ABCC5: variants seen among roughly 807,000 people sequenced by gnomAD.
ABCC5 encodes ATP-binding cassette sub-family C member 5.
Under a neutral mutation model 160.9 loss-of-function variants are expected in ABCC5, and 61 were observed. That is an observed-to-expected ratio of 0.38 (90% CI 0.31 to 0.47). The LOEUF (loss-of-function observed/expected upper bound fraction) is 0.47, where lower values mean the gene tolerates loss of function less well. ABCC5 is among the 20% of genes least tolerant of loss of function. ABCC5 has a pLI of 0.99. For synonymous variants in ABCC5, 666 were observed against 700.6 expected, an observed-to-expected ratio of 0.95 and a Z score of 0.78; for missense variants, 1,308 against 1,813.3, an observed-to-expected ratio of 0.72 and a Z score of 5.06.
At position 183,967,745 on chromosome 3, in the gene ABCC5, C is replaced by T. The variant is rs1717357905; in HGVS notation, c.1783G>A (p.Gly595Ser). Residue 595 changes from glycine to serine, a missense_variant, in exon 12 of 30, where the codon GGC (glycine) becomes AGC (serine). Transcript: ENST00000334444. ...IQEGKLVGIC[G>S]SVGSGKTSLI... ...GAGGTTTTTCCACTTCCCACACTGC[C>T]ACAGATTCCAACCAGTTTACCCTGG... 6.2e-7 allele frequency: 1 copy of T among 1,613,754 alleles called. No individual in the cohort carries two copies. The highest frequency in any genetic ancestry group is 1.3e-5 in the African/African-American group (1 of 74,872).
rs1399714234 is a variant in ABCC5 at position 183,949,651 on chromosome 3, G to A, written c.3227+102C>T. On this transcript the variant is annotated intron_variant, in intron 22 of 29. Coordinates refer to ENST00000334444, the MANE Select transcript of ABCC5 (RefSeq NM_005688.4). This position sits in a 1 kb window ranked among gnomAD's most constrained non-coding sequence, Gnocchi z 4.2. Reference sequence around the variant, plus strand: ...AATCATGAATACCCTTGGTAATGAGGTTTATAATCCCCATCTCTGGCCTTG... The same window carrying A: ...AATCATGAATACCCTTGGTAATGAGATTTATAATCCCCATCTCTGGCCTTG... The A allele has an allele frequency of 7.0e-7, 1 of 1,426,662 alleles. No individual in the cohort carries two copies. Among genetic ancestry groups the A allele is most frequent in the Non-Finnish European group, 9.5e-7 (1 of 1,051,330 alleles). The allele number at this position is 1,426,662 out of a possible 1,614,324, so 88.4% of individuals were successfully genotyped here.
At chr3:184,008,985 T>C (rs1377181333) in intron 2 of ABCC5, among the ~76,000 whole-genome samples, 1 of 152,202 alleles carries the variant, frequency 6.6e-6, no homozygotes, top group African/African-American at 2.4e-5. Flanking sequence ...GCCTCCCAAG[T>C]AGCTGGGACT....
intron 2 of ABCC5, among the ~76,000 whole-genome samples, chr3:184,005,165 C>A (rs1318130531): frequency 1.3e-5 from 2 of 152,156 alleles, no homozygotes; most frequent in Non-Finnish European, 2.9e-5. Context: ...CCAGCATAGT[C>A]TGCCTAGTAA....
chr3:183,924,500 G>A (rs1712331805), intron 29 of ABCC5, among the ~76,000 whole-genome samples: 1 of 152,188 alleles, frequency 6.6e-6, no homozygotes, highest in Admixed American at 6.6e-5. Context: ...TATTATAGTA[G>A]CTGTCACTGT....
intron 5 of ABCC5, chr3:183,984,436 C>A: frequency 9.9e-7 from 1 of 1,008,416 alleles, no homozygotes; most frequent in Non-Finnish European, 1.2e-6. Flanking sequence ...GAATGACAGA[C>A]AAAAATGGAG....
At chr3:183,952,899 G>T (rs1219809665) in intron 18 of ABCC5, among the ~76,000 whole-genome samples, 187 bp downstream of exon 18, 1 of 152,176 alleles carries the variant, frequency 6.6e-6, no homozygotes, top group Non-Finnish European at 1.5e-5. Context: ...CTGCCCTGTG[G>T]GTTGGTCAGC....
chr3:183,976,379 C>T (rs780247016), intron 10 of ABCC5, among the ~76,000 whole-genome samples: 36 of 152,046 alleles, frequency 2.4e-4, no homozygotes, highest in Non-Finnish European at 4.0e-4. Context: ...CTCAGCCCCC[C>T]GGGTAGCTAG....
chr3:183,981,969 T>C (rs1718785029), intron 7 of ABCC5, 95 bp from the exon 8 acceptor site: 9 of 1,408,040 alleles, frequency 6.4e-6, no homozygotes, highest in Non-Finnish European at 7.6e-6. Context: ...AATGAGCATA[T>C]AATCCTGCTT....
chr3:183,979,272 G>T (rs868355130), intron 8 of ABCC5, among the ~76,000 whole-genome samples: 1 of 151,616 alleles, frequency 6.6e-6, no homozygotes, highest in African/African-American at 2.4e-5. Flanking sequence ...CTGAACCTGG[G>T]AGGTGGAAGT....
intron 10 of ABCC5, among the ~76,000 whole-genome samples, chr3:183,976,203 C>T (rs1435014729): frequency 6.6e-6 from 1 of 151,986 alleles, no homozygotes; most frequent in African/African-American, 2.4e-5. Context: ...TCTTCCCTCC[C>T]TCCCTTCCTT....
chr3:184,003,739 T>A (rs550531672), intron 2 of ABCC5, among the ~76,000 whole-genome samples: 1 of 152,318 alleles, frequency 6.6e-6, no homozygotes, highest in South Asian at 2.1e-4. Context: ...CTAGCATTAC[T>A]CCATAATCAC....
At chr3:183,997,918 A>G in intron 2 of ABCC5, among the ~76,000 whole-genome samples, 1 of 152,026 alleles carries the variant, frequency 6.6e-6, no homozygotes, top group East Asian at 1.9e-4. Flanking sequence ...AGTAGCTGGG[A>G]CTACAGGCAT....
chr3:183,945,093 G>T (rs1026144235), intron 24 of ABCC5, among the ~76,000 whole-genome samples: 1 of 152,170 alleles, frequency 6.6e-6, no homozygotes, highest in Admixed American at 6.5e-5. Flanking sequence ...CGCTATGATT[G>T]TAAGTTTCCT....
intron 12 of ABCC5, 152 bp downstream of exon 12, chr3:183,967,543 G>A (rs1353717084): frequency 1.6e-5 from 11 of 694,246 alleles, no homozygotes; most frequent in Non-Finnish European, 2.8e-5. Context: ...GGGGAGAACT[G>A]GGGGGAACTG....
intron 29 of ABCC5, among the ~76,000 whole-genome samples, chr3:183,925,093 G>A (rs964759235): frequency 7.9e-5 from 12 of 152,222 alleles, no homozygotes; most frequent in African/African-American, 1.4e-4. Context: ...GTGCCGCTGC[G>A]TGATTGCAAA....
At chr3:183,935,423 G>A (rs925871507) in intron 26 of ABCC5, among the ~76,000 whole-genome samples, 16 of 151,088 alleles carry the variant, frequency 1.1e-4, no homozygotes, top group East Asian at 2.0e-4. Context: ...CTCGTGATCC[G>A]CCCGCCTCAG....
chr3:183,958,101 T>C (rs1716379867), intron 17 of ABCC5, among the ~76,000 whole-genome samples: 1 of 152,248 alleles, frequency 6.6e-6, no homozygotes, highest in Non-Finnish European at 1.5e-5. Flanking sequence ...TACATGCTTA[T>C]CCGTGTGTAT....
intron 29 of ABCC5, among the ~76,000 whole-genome samples, chr3:183,922,283 A>C (rs1712075394): frequency 6.6e-6 from 1 of 152,200 alleles, no homozygotes; most frequent in Admixed American, 6.5e-5. Context: ...GAGGCAGGAG[A>C]ATCGCTGGAA....
rs1004810869 is a variant in ABCC5 at position 183,963,761 on chromosome 3, C to T, written c.2032-173G>A. On this transcript the variant is annotated intron_variant, in intron 14 of 29. Coordinates refer to ENST00000334444, the MANE Select transcript of ABCC5 (RefSeq NM_005688.4). The surrounding 1 kb of genome is among the most constrained non-coding windows in gnomAD (Gnocchi z 4.6). ...ATGAACTGCCATGCTGATCCTTCAA[C>T]GAAGTGGGGGAGTTGGCCCAGATGC... is the stretch of plus-strand genomic sequence containing the variant. 3.3e-5 allele frequency among the ~76,000 whole-genome samples: 5 copies of T among 152,010 alleles called. No individual in the cohort carries two copies. Among genetic ancestry groups the T allele is most frequent in the Admixed American group, 6.5e-5 (1 of 15,274 alleles).
Sources: gnomAD v4.1 joint callset for allele counts (sites outside exome capture counted in the v4.1 genomes callset) on GRCh38, gnomAD v4.1.1 for gene constraint, Gnocchi (gnomAD v3.1) non-coding constraint, MANE v1.5 for transcripts, NCBI Gene and HGNC (gene_info 2026-07-23, HGNC 2026-07-21) for gene names.